PDZD2: variants seen among roughly 807,000 people sequenced by gnomAD.
PDZD2 encodes PDZ domain containing 2.
In PDZD2, 90 loss-of-function variants were observed where a neutral mutation model predicts 220.7. That is an observed-to-expected ratio of 0.41 (90% CI 0.34 to 0.49). The LOEUF is 0.49. Ranked by LOEUF, PDZD2 falls within the 20% of genes least tolerant of loss-of-function variation. The pLI, the probability that PDZD2 is intolerant of heterozygous loss-of-function variation, is 0.28. For missense variants in PDZD2, 3,174 were observed against 3,608.5 expected, an observed-to-expected ratio of 0.88 and a Z score of 3.08; for synonymous variants, 1,375 against 1,450.5, an observed-to-expected ratio of 0.95 and a Z score of 1.18.
At chr5:31,840,949 C>A in intron 2 of PDZD2, 1 of 457,902 alleles carries the variant, frequency 2.2e-6, no homozygotes, top group East Asian at 3.2e-5. Flanking sequence ...GGTGTCTCTC[C>A]TCTTTCTCTT....
intron 2 of PDZD2, among the ~76,000 whole-genome samples, chr5:31,868,184 G>A (rs1220325529): frequency 6.6e-6 from 1 of 152,146 alleles, no homozygotes; most frequent in Non-Finnish European, 1.5e-5. Flanking sequence ...GGTGGCTCAT[G>A]CCTGTAATCC....
chr5:31,894,544 C>A (rs1741362144), intron 2 of PDZD2, among the ~76,000 whole-genome samples: 1 of 152,142 alleles, frequency 6.6e-6, no homozygotes, highest in Admixed American at 6.5e-5. Flanking sequence ...AGGGAAAATT[C>A]TCTTCAATCC....
At chr5:32,037,836 A>G (rs1755677216) in intron 7 of PDZD2, among the ~76,000 whole-genome samples, 1 of 131,280 alleles carries the variant, frequency 7.6e-6, no homozygotes, top group Admixed American at 8.1e-5. Flanking sequence ...GTGTATCATT[A>G]TGAAAGGCAT....
chr5:31,767,323 C>T (rs974244082), intron 1 of PDZD2, among the ~76,000 whole-genome samples: 2 of 152,132 alleles, frequency 1.3e-5, no homozygotes, highest in South Asian at 2.1e-4. Context: ...TGAGCCACCA[C>T]GCCCAACCCC....
chr5:31,944,917 G>C (rs1382424011), intron 2 of PDZD2, among the ~76,000 whole-genome samples: 4 of 152,278 alleles, frequency 2.6e-5, no homozygotes, highest in Admixed American at 2.6e-4. Context: ...GCTGGGTGCA[G>C]AAGAGGGCAG....
intron 2 of PDZD2, among the ~76,000 whole-genome samples, chr5:31,840,298 T>G (rs1327789270): frequency 6.6e-6 from 1 of 150,616 alleles, no homozygotes; most frequent in Non-Finnish European, 1.5e-5. Flanking sequence ...TTTCTTTGAC[T>G]GGGGGGGAAG....
intron 1 of PDZD2, among the ~76,000 whole-genome samples, chr5:31,679,006 CT>C (rs1170217149): frequency 6.6e-6 from 1 of 151,984 alleles, no homozygotes; most frequent in Non-Finnish European, 1.5e-5. Context: ...TACTTTTTTT[CT>C]TTTAGACACT....
At position 31,775,664 on chromosome 5, in the gene PDZD2, CGTGTGT is replaced by C. The variant is rs370394146; in HGVS notation, c.-360-23188_-360-23183del. On this transcript the variant is annotated intron_variant, in intron 1 of 24. Transcript: ENST00000438447. ...GGAGTGGAGAGCTGCACTCACAGAG[CGTGTGT>C]GTGTGTGTGTGTGTGTGTGTGTGTG... 8.3e-3 allele frequency among the ~76,000 whole-genome samples: 1,119 copies of C among 135,448 alleles called. 16 individuals carry two copies. Among genetic ancestry groups the C allele is most frequent in the African/African-American group, 0.027 (944 of 35,596 alleles). 88.9% of individuals were successfully genotyped at this position (135,448 alleles called of 152,430 possible).
intron 7 of PDZD2, among the ~76,000 whole-genome samples, chr5:32,039,776 G>A (rs373767607): frequency 6.1e-4 from 91 of 149,526 alleles, no homozygotes; most frequent in African/African-American, 1.6e-3. Flanking sequence ...AGTGAGGAGC[G>A]TCTCTGCCGG....
In PDZD2 at chr5:32,080,382, G is replaced by A. The variant is rs371072957; in HGVS notation, c.3682+2776G>A. 1.9e-4 allele frequency among the ~76,000 whole-genome samples: 28 copies of A among 149,730 alleles called. No individual in the cohort carries two copies. The East Asian group carries it at 3.7e-3, about 20-fold the overall frequency. On this transcript the variant is annotated intron_variant, in intron 19 of 24. Transcript: ENST00000438447. ...AAAAAAAAAAAAAAGTGGGGGGTGA[G>A]GGGTTTCTATTTGAGGGAGATGAAG... is the stretch of plus-strand genomic sequence containing the variant.
At chr5:31,937,362 GT>G in intron 2 of PDZD2, among the ~76,000 whole-genome samples, 1 of 152,290 alleles carries the variant, frequency 6.6e-6, no homozygotes, top group Non-Finnish European at 1.5e-5. Flanking sequence ...GGAGAATTTT[GT>G]TTCGGTAGAA....
Position 32,089,671 on chromosome 5 carries a change from G to T in PDZD2, c.6223G>T (p.Gly2075Ter). 1 of 1,614,186 alleles carries T rather than the reference G, an allele frequency of 6.2e-7. No individual in the cohort carries two copies. ...CCAACCCAGGCCGACTGGCGAAAAA[G>T]GAGGCAACATAATGGCCAGCGATCG... ...TAQPRPTGEK[G>*]GNIMASDRLE... Residue 2075 changes from glycine (G) to a stop codon, truncating the protein, a stop_gained, in exon 20 of 25, where the codon GGA (glycine) becomes TGA (stop). Coordinates refer to ENST00000438447, the MANE Select transcript of PDZD2 (RefSeq NM_178140.4). LOFTEE classifies it high-confidence loss of function.
At position 32,061,047 on chromosome 5, in the gene PDZD2, T is replaced by C. The variant is rs1455991540; in HGVS notation, c.2364T>C (p.His788=). ...ILEVNSVNVR[H]AALSKVHAIL... ...AAGTGAACTCCGTCAACGTCCGCCA[T>C]GCTGCTTTAAGCAAAGTCCACGCCA... Residue 788 remains histidine (H), a synonymous_variant, in exon 14 of 25, where the codon CAT becomes CAC. Transcript: ENST00000438447. The C allele has an allele frequency of 6.2e-7, 1 of 1,614,180 alleles. No homozygotes were observed. The highest frequency in any genetic ancestry group is 2.2e-5 in the East Asian group (1 of 44,892).
At chr5:31,901,225 G>A (rs1282805788) in intron 2 of PDZD2, among the ~76,000 whole-genome samples, 1 of 151,970 alleles carries the variant, frequency 6.6e-6, no homozygotes, top group Non-Finnish European at 1.5e-5. Context: ...TGAGACCAGC[G>A]TGAACAACAT....
At chr5:31,809,586 T>C (rs560116663) in intron 2 of PDZD2, among the ~76,000 whole-genome samples, 2 of 152,194 alleles carry the variant, frequency 1.3e-5, no homozygotes, top group Non-Finnish European at 2.9e-5. Context: ...CCCCAGTTTC[T>C]CTAACTCTGT....
At chr5:31,758,938 A>G (rs548487565) in intron 1 of PDZD2, among the ~76,000 whole-genome samples, 7 of 152,046 alleles carry the variant, frequency 4.6e-5, no homozygotes, top group Non-Finnish European at 5.9e-5. Context: ...CCCTGGCTAC[A>G]CTGTGTTCCT....
intron 2 of PDZD2, among the ~76,000 whole-genome samples, chr5:31,868,011 A>G (rs1738387728): frequency 6.6e-6 from 1 of 152,022 alleles, no homozygotes; most frequent in East Asian, 1.9e-4. Flanking sequence ...TAGATAACTG[A>G]GGGTTATCAT....
chr5:32,096,736 C>A (rs1401791923), intron 21 of PDZD2, among the ~76,000 whole-genome samples: 1 of 151,194 alleles, frequency 6.6e-6, no homozygotes, highest in Non-Finnish European at 1.5e-5. Context: ...TGACGCTTAT[C>A]TTTCTGCTGT....
intron 8 of PDZD2, 41 bp downstream of exon 8, chr5:32,048,725 C>T: frequency 6.2e-7 from 1 of 1,602,938 alleles, no homozygotes. Context: ...ACCATAAGGG[C>T]TTACATGTTA....
Sources: allele counts gnomAD v4.1 joint callset (sites outside exome capture counted in the v4.1 genomes callset), GRCh38; gene constraint gnomAD v4.1.1; transcripts MANE v1.5; gene names NCBI Gene and HGNC (gene_info 2026-07-23, HGNC 2026-07-21).